Variants in CHKA observed in about 807,000 individuals in gnomAD.
CHKA encodes CHETK-alpha.
In CHKA, 34 loss-of-function variants were observed where a neutral mutation model predicts 60.1. The ratio of observed to expected loss-of-function variants is 0.57; its 90% CI spans 0.43 to 0.75. CHKA has a LOEUF of 0.75. CHKA is among the 30% of genes least tolerant of loss of function. The pLI is 0.00. For synonymous variants in CHKA, 217 were observed against 223.1 expected (o/e 0.97, Z 0.24); for missense variants, 563 against 561.3 (o/e 1.00, Z -0.03).
chr11:68,100,636 C>A (rs957771138), intron 1 of CHKA, among the ~76,000 whole-genome samples: 30 of 142,330 alleles, frequency 2.1e-4, no homozygotes, highest in Admixed American at 7.0e-4. Flanking sequence ...TAAATAAATA[C>A]AAGAGCGAAA....
At chr11:68,112,854 AGGAG>A (rs1319465270) in intron 1 of CHKA, among the ~76,000 whole-genome samples, 5 of 151,892 alleles carry the variant, frequency 3.3e-5, no homozygotes, top group Admixed American at 6.6e-5. Flanking sequence ...AGGCCGAGGC[AGGAG>A]GATCACGAGG....
intron 1 of CHKA, among the ~76,000 whole-genome samples, chr11:68,115,889 T>C (rs746706401): frequency 2.6e-5 from 4 of 152,234 alleles, no homozygotes; most frequent in Admixed American, 6.5e-5. Context: ...TACATATTTA[T>C]GTTTAATTTG....
At chr11:68,108,622 T>C (rs1228093585) in intron 1 of CHKA, among the ~76,000 whole-genome samples, 2 of 152,086 alleles carry the variant, frequency 1.3e-5, no homozygotes, top group African/African-American at 2.4e-5. Context: ...CGGGCGCCTG[T>C]AGTCCCAGCC....
chr11:68,073,058 C>G (rs923839427), intron 4 of CHKA, among the ~76,000 whole-genome samples: 1 of 152,168 alleles, frequency 6.6e-6, no homozygotes, highest in Non-Finnish European at 1.5e-5. Context: ...AGAACTAGAA[C>G]AAAATCAGTT....
At chr11:68,102,581 C>A (rs1234065735) in intron 1 of CHKA, among the ~76,000 whole-genome samples, 1 of 152,114 alleles carries the variant, frequency 6.6e-6, no homozygotes, top group Admixed American at 6.6e-5. Flanking sequence ...AAAGTAAGAC[C>A]TGAAACTATG....
chr11:68,060,498 A>G (rs569953844), intron 11 of CHKA, among the ~76,000 whole-genome samples: 2 of 152,164 alleles, frequency 1.3e-5, no homozygotes, highest in East Asian at 3.9e-4. Context: ...TTTAGTAGAG[A>G]TAGAGTTTCA....
At chr11:68,085,169 G>T (rs1250594062) in intron 2 of CHKA, among the ~76,000 whole-genome samples, 1 of 152,072 alleles carries the variant, frequency 6.6e-6, no homozygotes, top group African/African-American at 2.4e-5. Flanking sequence ...TACAGTGACA[G>T]CATTAATAAA....
chr11:68,117,891 G>T (rs1391313870), intron 1 of CHKA, among the ~76,000 whole-genome samples: 1 of 152,182 alleles, frequency 6.6e-6, no homozygotes, highest in African/African-American at 2.4e-5. Context: ...GACAGAAGGT[G>T]GGGATACAAA....
chr11:68,105,449 A>T (rs1857876769), intron 1 of CHKA, among the ~76,000 whole-genome samples: 1 of 124,930 alleles, frequency 8.0e-6, no homozygotes, highest in Non-Finnish European at 1.6e-5. Context: ...CGGGAGGAGG[A>T]GGTTGCAGTG....
intron 3 of CHKA, among the ~76,000 whole-genome samples, chr11:68,078,431 T>C (rs1300349374): frequency 6.6e-6 from 1 of 152,154 alleles, no homozygotes; most frequent in African/African-American, 2.4e-5. Context: ...TTTGGCAATA[T>C]GGAACCTGTT....
intron 2 of CHKA, among the ~76,000 whole-genome samples, chr11:68,085,319 G>A (rs1857145556): frequency 6.6e-6 from 1 of 152,054 alleles, no homozygotes; most frequent in Non-Finnish European, 1.5e-5. Context: ...AACCTCCCCA[G>A]GTCGAGCAAT....
chr11:68,072,550 T>TAAAAAA (rs10708078), intron 4 of CHKA, among the ~76,000 whole-genome samples: 1 of 112,746 alleles, frequency 8.9e-6, no homozygotes, highest in Non-Finnish European at 1.8e-5. Context: ...GACCCTATCT[T>TAAAAAA]AAAAAAAAAA....
rs1190406588 is a variant in CHKA at position 68,054,188 on chromosome 11, AG to A, written c.1315-142del. On this transcript the variant is annotated intron_variant, in intron 11 of 11. Transcript: ENST00000265689. Reference sequence around the variant, plus strand: ...AAAGCACAGGACTGGCCTGTGCAGCAGGGCTGCTCGGGGGCCTCGCTGCTCT... The same window carrying A: ...AAAGCACAGGACTGGCCTGTGCAGCAGGCTGCTCGGGGGCCTCGCTGCTCT... The A allele has an allele frequency of 1.0e-4, 70 of 678,308 alleles. No individual in the cohort carries two copies. In the Middle Eastern group the frequency reaches 1.0e-3, roughly 10 times the overall value. 42.0% of individuals were successfully genotyped at this position (678,308 alleles called of 1,614,324 possible). A position where few individuals can be genotyped will look rare whatever the true frequency, so the allele number is the denominator to read the frequency against.
At chr11:68,102,099 C>CAA (rs199998491) in intron 1 of CHKA, among the ~76,000 whole-genome samples, 137 of 94,068 alleles carry the variant, frequency 1.5e-3, no homozygotes, top group African/African-American at 5.9e-3. Context: ...GACTCTGTCT[C>CAA]AAAAAAAAAA....
intron 2 of CHKA, among the ~76,000 whole-genome samples, chr11:68,086,325 CA>C (rs1231559661): frequency 6.6e-6 from 1 of 151,214 alleles, no homozygotes; most frequent in Non-Finnish European, 1.5e-5. Context: ...AATAAAAATA[CA>C]ATAAAAAAAA....
intron 8 of CHKA, 93 bp from the exon 9 acceptor site, chr11:68,065,987 C>G (rs1414183634): frequency 1.2e-6 from 1 of 819,150 alleles, no homozygotes; most frequent in African/African-American, 1.7e-5. Flanking sequence ...GAGTTCCGAG[C>G]ACGCCACTCC....
Position 68,121,154 on chromosome 11 carries a change from C to A in CHKA, c.24G>T (p.Gly8=). MKTKFCT[G]GEAEPSPLGL... is the part of the protein sequence containing the mutation. ...CGAGCGGCGAGGGCTCCGCCTCGCC[C>A]CCGGTGCAGAATTTGGTTTTCATGC... Residue 8 remains glycine (G), a synonymous_variant, in exon 1 of 12, where the codon GGG becomes GGT. Transcript: ENST00000265689. 1 of 1,208,068 alleles carries A rather than the reference C, an allele frequency of 8.3e-7. No homozygotes were observed. The allele number at this position is 1,208,068 out of a possible 1,614,324, so 74.8% of individuals were successfully genotyped here. A position where few individuals can be genotyped will look rare whatever the true frequency, so the allele number is the denominator to read the frequency against.
At chr11:68,104,624 T>C (rs2153027150) in intron 1 of CHKA, among the ~76,000 whole-genome samples, 1 of 152,062 alleles carries the variant, frequency 6.6e-6, no homozygotes, top group South Asian at 2.1e-4. Context: ...GGTTGCACCA[T>C]GTTGGTCAGC....
intron 1 of CHKA, among the ~76,000 whole-genome samples, chr11:68,104,485 A>C (rs1857843514): frequency 6.6e-6 from 1 of 151,948 alleles, no homozygotes; most frequent in African/African-American, 2.4e-5. Context: ...CAATGGTGCA[A>C]TCTCGGCTCA....
Sources: gnomAD v4.1 joint callset for allele counts (sites outside exome capture counted in the v4.1 genomes callset) on GRCh38, gnomAD v4.1.1 for gene constraint, MANE v1.5 for transcripts, NCBI Gene and HGNC (gene_info 2026-07-23, HGNC 2026-07-21) for gene names.